The following NPIPB11 variants were observed in gnomAD, a reference collection of about 807,000 sequenced individuals.
NPIPB11 encodes nuclear pore complex interacting protein family member B11.
NPIPB11 carries 17 observed loss-of-function variants against 32.8 expected under a neutral mutation model. The ratio of observed to expected loss-of-function variants is 0.52; its 90% CI spans 0.35 to 0.78. The LOEUF is 0.78. NPIPB11 is among the 30% of genes least tolerant of loss of function. The pLI is 0.01. For synonymous variants in NPIPB11, 209 were observed against 398.4 expected (o/e 0.52, Z 5.66); for missense variants, 537 against 1,000.4 (o/e 0.54, Z 6.25).
At position 29,402,724 on chromosome 16, in the gene NPIPB11, C is replaced by CTCTCTCTGTGTGTGTG. The variant is rs1449821025; in HGVS notation, c.120+958_120+959insCACACACACAGAGAGA. ...TCTCTCTCTCTCTCTCTCTCTCTCT[C>CTCTCTCTGTGTGTGTG]TGTGTGTGTGTGTGTGTGTGTGTGT... On this transcript the variant is annotated intron_variant, in intron 2 of 7. Transcript: ENST00000524087. Among the ~76,000 whole-genome samples the CTCTCTCTGTGTGTGTG allele has an allele frequency of 3.0e-3, 355 of 119,640 alleles. 1 individual carries two copies. Among genetic ancestry groups the CTCTCTCTGTGTGTGTG allele is most frequent in the Non-Finnish European group, 4.9e-3 (285 of 58,608 alleles). 78.5% of individuals were successfully genotyped at this position (119,640 alleles called of 152,430 possible).
At chr16:29,397,020 C>T (rs1354039737) in intron 2 of NPIPB11, among the ~76,000 whole-genome samples, 1 of 151,438 alleles carries the variant, frequency 6.6e-6, no homozygotes, top group East Asian at 2.0e-4. Flanking sequence ...TGGTGGTCTA[C>T]TAAAAATACA....
At position 29,383,124 on chromosome 16, in the gene NPIPB11, G is replaced by C. The variant is rs536085707; in HGVS notation, c.1808C>G (p.Pro603Arg). ...GTGGAAGGGGAGTGAGCTGACGCTC[G>C]GAAGGTCTCTTGAGATTATCATCCG... Residue 603 changes from proline to arginine, a missense_variant, in exon 8 of 8, where the codon CCG (proline) becomes CGG (arginine). Pro to Arg is a moderately radical substitution (Grantham distance 103, BLOSUM62 -2). Transcript: ENST00000524087. 2.7e-3 allele frequency: 4,267 copies of C among 1,569,374 alleles called. 40 individuals are homozygous for C. The highest frequency in any genetic ancestry group is 3.1e-3 in the Admixed American group (179 of 57,188).
intron 1 of NPIPB11, 23 bp from the exon 2 acceptor site, chr16:29,403,863 A>T (rs1964055942): frequency 1.9e-6 from 3 of 1,539,402 alleles, no homozygotes; most frequent in Non-Finnish European, 2.6e-6. Context: ...TTAAAAAAAA[A>T]GTGTTGAATG....
At chr16:29,401,828 G>A (rs911638234) in intron 2 of NPIPB11, among the ~76,000 whole-genome samples, 14 of 152,068 alleles carry the variant, frequency 9.2e-5, no homozygotes, top group Admixed American at 2.6e-4. Flanking sequence ...CAGGATGAGG[G>A]CATGTGGGGC....
At chr16:29,395,908 G>A (rs1241145004) in intron 2 of NPIPB11, among the ~76,000 whole-genome samples, 4 of 151,324 alleles carry the variant, frequency 2.6e-5, no homozygotes, top group Admixed American at 1.3e-4. Context: ...AACCCGGGAG[G>A]CAGAGGTTGC....
upstream of NPIPB11, among the ~76,000 whole-genome samples, chr16:29,405,479 GT>G (rs1443181395): frequency 1.3e-5 from 2 of 152,130 alleles, no homozygotes; most frequent in African/African-American, 2.4e-5. Context: ...CCGTCACCAC[GT>G]GTTAGTCACG....
At chr16:29,399,570 G>T (rs1963940218) in intron 2 of NPIPB11, among the ~76,000 whole-genome samples, 2 of 150,488 alleles carry the variant, frequency 1.3e-5, no homozygotes, top group South Asian at 4.3e-4. Context: ...GTGGTGGTGG[G>T]CGCCTTAGTC....
At chr16:29,401,806 T>G (rs1212762748) in intron 2 of NPIPB11, among the ~76,000 whole-genome samples, 2 of 152,018 alleles carry the variant, frequency 1.3e-5, no homozygotes, top group African/African-American at 2.4e-5. Context: ...GGCTGCTCCT[T>G]TATTCTCGTG....
intron 2 of NPIPB11, among the ~76,000 whole-genome samples, chr16:29,401,789 A>T (rs1292224758): frequency 6.6e-6 from 1 of 152,082 alleles, no homozygotes; most frequent in South Asian, 2.1e-4. Flanking sequence ...GACAGCTCCC[A>T]TATGGAGGCT....
At chr16:29,402,013 C>A (rs1474193374) in intron 2 of NPIPB11, among the ~76,000 whole-genome samples, 6 of 151,600 alleles carry the variant, frequency 4.0e-5, no homozygotes, top group Non-Finnish European at 7.4e-5. Context: ...GCCGTCAGAA[C>A]ATGAACTGGT....
rs150027760 is a variant in NPIPB11 at position 29,390,856 on chromosome 16, G to A, written c.250-508C>T. The stretch of plus-strand genomic sequence containing the variant: ...TGCATGCCTGTAATCCCAGCTAGTC[G>A]GGAGGTTGAGGCAGGATAATCACTT... On this transcript the variant is annotated intron_variant, in intron 3 of 7. Transcript: ENST00000524087. Among the ~76,000 whole-genome samples, 305 of 151,464 alleles carry A rather than the reference G, an allele frequency of 2.0e-3. 2 individuals carry two copies. The highest frequency in any genetic ancestry group is 3.4e-3 in the Non-Finnish European group (232 of 67,906).
upstream of NPIPB11, among the ~76,000 whole-genome samples, chr16:29,406,622 G>A (rs1964118848): frequency 6.6e-6 from 1 of 152,178 alleles, no homozygotes. Flanking sequence ...GCTGAGACAG[G>A]AGAATTGCTT....
intron 3 of NPIPB11, 78 bp from the exon 4 acceptor site, chr16:29,390,426 G>A (rs1178103437): frequency 6.3e-7 from 1 of 1,594,196 alleles, no homozygotes. Flanking sequence ...GGAAGCTGAG[G>A]CAGGTGGATC....
At chr16:29,389,270 C>T (rs986953230) in intron 5 of NPIPB11, among the ~76,000 whole-genome samples, 2 of 145,414 alleles carry the variant, frequency 1.4e-5, no homozygotes, top group African/African-American at 2.6e-5. Flanking sequence ...GAGGCTGAGG[C>T]AGAATTGCTT....
chr16:29,402,027 C>G (rs1052853622), intron 2 of NPIPB11, among the ~76,000 whole-genome samples: 15 of 151,690 alleles, frequency 9.9e-5, no homozygotes, highest in Middle Eastern at 6.8e-3. Flanking sequence ...AACTGGTGGT[C>G]AGACACACGT....
At chr16:29,389,545 G>A (rs914722573) in intron 5 of NPIPB11, among the ~76,000 whole-genome samples, 22 of 149,302 alleles carry the variant, frequency 1.5e-4, no homozygotes, top group African/African-American at 4.5e-4. Flanking sequence ...GTGATGGTGG[G>A]CACCTGTAAT....
chr16:29,402,724 C>CTCTCTCTCTCTCTGTGTGTG (rs1449821025), intron 2 of NPIPB11, among the ~76,000 whole-genome samples: 1 of 119,634 alleles, frequency 8.4e-6, no homozygotes, highest in Non-Finnish European at 1.7e-5. Flanking sequence ...CTCTCTCTCT[C>CTCTCTCTCTCTCTGTGTGTG]TGTGTGTGTG....
chr16:29,401,872 C>A (rs1039192387), intron 2 of NPIPB11, among the ~76,000 whole-genome samples: 1 of 151,620 alleles, frequency 6.6e-6, no homozygotes, highest in African/African-American at 2.4e-5. Context: ...GGATGTGCAG[C>A]ATGGGCAAGA....
upstream of NPIPB11, among the ~76,000 whole-genome samples, chr16:29,406,185 T>G (rs1964108821): frequency 2.0e-5 from 3 of 152,262 alleles, no homozygotes; most frequent in Admixed American, 1.3e-4. Context: ...TCTCATCTTG[T>G]AGAGGTATTA....
Sources: allele counts gnomAD v4.1 joint callset (sites outside exome capture counted in the v4.1 genomes callset), GRCh38; gene constraint gnomAD v4.1.1; transcripts MANE v1.5; gene names NCBI Gene and HGNC (gene_info 2026-07-23, HGNC 2026-07-21).